RANBP17: variants seen among roughly 807,000 people sequenced by gnomAD.
RANBP17 encodes RAN binding protein 17, also known as ran-binding protein 17.
Under a neutral mutation model 141.2 loss-of-function variants are expected in RANBP17, and 158 were observed. That is an observed-to-expected ratio of 1.12 (90% CI 0.98 to 1.28). RANBP17 has a LOEUF of 1.28. RANBP17 is among the 50% of genes most tolerant of loss of function. The probability of loss-of-function intolerance (pLI) is 0.00; values close to 1 mark genes in which losing one functional copy is unlikely to be tolerated. For missense variants in RANBP17, 1,438 were observed against 1,290.7 expected, an observed-to-expected ratio of 1.11 and a Z score of -1.75; for synonymous variants, 430 against 450.0, an observed-to-expected ratio of 0.96 and a Z score of 0.56.
intron 13 of RANBP17, among the ~76,000 whole-genome samples, chr5:170,965,327 A>T (rs1581256210): frequency 6.7e-6 from 1 of 149,850 alleles, no homozygotes. Context: ...GGTTGCGAAA[A>T]TTTTCTCCCA....
At chr5:171,199,805 G>A in intron 19 of RANBP17, 32 bp downstream of exon 19, 5 of 1,410,124 alleles carry the variant, frequency 3.5e-6, no homozygotes, top group Non-Finnish European at 5.0e-6. Flanking sequence ...AGGAATGACA[G>A]TTTTGTTTTT....
At chr5:171,188,617 A>C (rs369466482) in intron 18 of RANBP17, among the ~76,000 whole-genome samples, 34 of 152,336 alleles carry the variant, frequency 2.2e-4, no homozygotes, top group African/African-American at 7.9e-4. Context: ...GGGGAGACCA[A>C]AAAGAGAAGT....
intron 14 of RANBP17, among the ~76,000 whole-genome samples, chr5:171,150,624 A>G (rs1039471496): frequency 6.6e-6 from 1 of 152,198 alleles, no homozygotes; most frequent in Non-Finnish European, 1.5e-5. Context: ...CAAGGTAGAT[A>G]TTATTGTCCT....
chr5:171,143,522 C>T (rs1250451894), intron 14 of RANBP17: 1 of 152,030 alleles, frequency 6.6e-6, no homozygotes, highest in Non-Finnish European at 1.5e-5. Flanking sequence ...TTTTTTTCAC[C>T]ATTTCCTGAT....
chr5:171,001,946 C>T (rs1420759078), intron 14 of RANBP17, among the ~76,000 whole-genome samples: 2 of 152,008 alleles, frequency 1.3e-5, no homozygotes, highest in Admixed American at 1.3e-4. Flanking sequence ...AGTTTCCTGA[C>T]TCGAGCCATG....
chr5:170,955,903 TTTC>T (rs1775656041), intron 13 of RANBP17, among the ~76,000 whole-genome samples: 1 of 150,230 alleles, frequency 6.7e-6, no homozygotes, highest in Non-Finnish European at 1.5e-5. Context: ...ACTTCAGAAA[TTTC>T]TTCTTTACTG....
At chr5:170,879,374 A>G (rs1364786842) in intron 2 of RANBP17, among the ~76,000 whole-genome samples, 3 of 152,168 alleles carry the variant, frequency 2.0e-5, no homozygotes, top group Admixed American at 6.5e-5. Context: ...AATGGATTTT[A>G]TAATATGGAA....
At chr5:171,037,488 AG>A (rs1377774439) in intron 14 of RANBP17, among the ~76,000 whole-genome samples, 1 of 152,136 alleles carries the variant, frequency 6.6e-6, no homozygotes, top group Non-Finnish European at 1.5e-5. Context: ...ATTGCTTATG[AG>A]GACATAAACA....
chr5:171,172,272 TG>T (rs1331107899), intron 16 of RANBP17, among the ~76,000 whole-genome samples: 1 of 151,888 alleles, frequency 6.6e-6, no homozygotes, highest in Non-Finnish European at 1.5e-5. Flanking sequence ...CGTCCTTGTC[TG>T]GCAAAATCCA....
intron 14 of RANBP17, among the ~76,000 whole-genome samples, chr5:171,054,359 T>C (rs962035241): frequency 5.3e-5 from 8 of 152,162 alleles, no homozygotes; most frequent in Non-Finnish European, 1.0e-4. Flanking sequence ...AAACAAGGGA[T>C]TGATTATTCA....
At chr5:170,884,582 C>T (rs978101359) in intron 3 of RANBP17, among the ~76,000 whole-genome samples, 7 of 151,470 alleles carry the variant, frequency 4.6e-5, no homozygotes, top group Non-Finnish European at 7.4e-5. Context: ...GTTGGTCTTG[C>T]GGTCTCGGGG....
rs549775174 is a variant in RANBP17 at position 171,194,830 on chromosome 5, T to G, written c.2039-4840T>G. 2.0e-5 allele frequency among the ~76,000 whole-genome samples: 3 copies of G among 152,342 alleles called. No individual in the cohort carries two copies. In the South Asian group the frequency reaches 6.2e-4, roughly 32 times the overall value. On this transcript the variant is annotated intron_variant, in intron 18 of 27. Coordinates refer to ENST00000523189, the MANE Select transcript of RANBP17 (RefSeq NM_022897.5). ...TTAACAATGGTTGTAGCATTTTACATTTCCACCCCTGGAGGTTTTAAATTG... is the reference window on the plus strand; with the variant it reads ...TTAACAATGGTTGTAGCATTTTACAGTTCCACCCCTGGAGGTTTTAAATTG...
intron 5 of RANBP17, chr5:170,897,341 T>TTTCTTCTTC: frequency 5.5e-6 from 3 of 544,426 alleles, no homozygotes; most frequent in Non-Finnish European, 1.0e-5. Context: ...GCTTGGCACA[T>TTTCTTCTTC]TTCTTCTTCT....
intron 24 of RANBP17, among the ~76,000 whole-genome samples, chr5:171,265,116 C>G (rs1350728381): frequency 6.6e-6 from 1 of 152,188 alleles, no homozygotes; most frequent in Non-Finnish European, 1.5e-5. Flanking sequence ...TAAACAGTCA[C>G]TTGAACTGAA....
intron 2 of RANBP17, among the ~76,000 whole-genome samples, chr5:170,880,296 A>T (rs1225696899): frequency 6.6e-6 from 1 of 152,228 alleles, no homozygotes; most frequent in Admixed American, 6.5e-5. Flanking sequence ...ATCAAGACTT[A>T]AGGAGAACCT....
At chr5:171,270,821 A>C (rs1767053150) in intron 25 of RANBP17, among the ~76,000 whole-genome samples, 1 of 152,144 alleles carries the variant, frequency 6.6e-6, no homozygotes, top group African/African-American at 2.4e-5. Flanking sequence ...CTCTAGAAAG[A>C]GTAACACCTT....
intron 14 of RANBP17, among the ~76,000 whole-genome samples, chr5:171,029,702 A>G (rs942816616): frequency 9.2e-5 from 14 of 152,038 alleles, no homozygotes; most frequent in Admixed American, 9.2e-4. Flanking sequence ...TGGGAAGTAA[A>G]TTAGGTCTGT....
intron 14 of RANBP17, among the ~76,000 whole-genome samples, chr5:171,076,732 CTG>C (rs2127701644): frequency 6.6e-6 from 1 of 152,206 alleles, no homozygotes; most frequent in African/African-American, 2.4e-5. Flanking sequence ...AGAAAAGTCT[CTG>C]TTGATATTAG....
chr5:170,972,463 C>A (rs752486337), intron 14 of RANBP17, among the ~76,000 whole-genome samples: 3 of 152,082 alleles, frequency 2.0e-5, no homozygotes, highest in Non-Finnish European at 4.4e-5. Context: ...CAATTACAGG[C>A]GTGAGCCACC....
Sources: allele counts gnomAD v4.1 joint callset (sites outside exome capture counted in the v4.1 genomes callset), GRCh38; gene constraint gnomAD v4.1.1; transcripts MANE v1.5; gene names NCBI Gene and HGNC (gene_info 2026-07-23, HGNC 2026-07-21).